STX18: variants seen among roughly 807,000 people sequenced by gnomAD.
The protein encoded by STX18 is syntaxin 18.
In STX18, 40 loss-of-function variants were observed where a neutral mutation model predicts 50.1. The ratio of observed to expected loss-of-function variants is 0.80; its 90% CI spans 0.62 to 1.04. The LOEUF (loss-of-function observed/expected upper bound fraction) is 1.04. Among genes scored for constraint, STX18 ranks in the 50% least tolerant of loss-of-function variants. STX18 has a pLI of 0.00. For synonymous variants in STX18, 158 were observed against 151.8 expected (o/e 1.04, Z -0.30); for missense variants, 410 against 415.8 (o/e 0.99, Z 0.12).
chr4:4,500,144 G>C (rs1168922160), intron 1 of STX18, among the ~76,000 whole-genome samples: 1 of 152,082 alleles, frequency 6.6e-6, no homozygotes, highest in Non-Finnish European at 1.5e-5. Flanking sequence ...TCTGCTTATA[G>C]TGGAGAGTTT....
intron 5 of STX18, among the ~76,000 whole-genome samples, chr4:4,444,972 A>G (rs897955334): frequency 1.4e-4 from 22 of 152,238 alleles, no homozygotes; most frequent in African/African-American, 4.8e-4. Context: ...TCTATTCAAC[A>G]TGGTACCAGA....
At position 4,420,679 on chromosome 4, in the gene STX18, TGGAGGTGGGCGACA is replaced by T. The variant is rs1724893897; in HGVS notation, c.912+171_912+184del. 1 of 595,536 alleles carries T rather than the reference TGGAGGTGGGCGACA, an allele frequency of 1.7e-6. No individual in the cohort carries two copies. The highest frequency in any genetic ancestry group is 3.1e-5 in the Admixed American group (1 of 32,442). 36.9% of individuals were successfully genotyped at this position (595,536 alleles called of 1,614,324 possible). On this transcript the variant is annotated intron_variant, in intron 10 of 10. Coordinates refer to ENST00000306200, the MANE Select transcript of STX18 (RefSeq NM_016930.4). The surrounding 1 kb of genome is among the most constrained non-coding windows in gnomAD (Gnocchi z 4.3). ...TGAGCCACTGCCTCTCGAAAGCAGC[TGGAGGTGGGCGACA>T]GGTGGTGGGTCTCATGAACACACGC...
rs1448131135 is a variant in STX18 at position 4,420,908 on chromosome 4, C to T, written c.868G>A (p.Gly290Arg). 1 of 1,614,122 alleles carries T rather than the reference C, an allele frequency of 6.2e-7. No individual in the cohort carries two copies. Among genetic ancestry groups the T allele is most frequent in the East Asian group, 2.2e-5 (1 of 44,886 alleles). ...CCTTCCTTGATATTTTCAGTTGCCC[C>T]CACAACTAACTGGTGAATGCTGTCA... The part of the protein sequence containing the change: ...EIDSIHQLVV[G>R]ATENIKEGNE... The change falls in exon 10 of 11, where the codon GGG (glycine) becomes AGG (arginine). Residue 290 changes from glycine to arginine, a missense_variant. Transcript: ENST00000306200. The surrounding 1 kb of genome is among the most constrained non-coding windows in gnomAD (Gnocchi z 4.3).
intron 2 of STX18, among the ~76,000 whole-genome samples, chr4:4,462,544 C>T (rs1447341959): frequency 2.6e-5 from 4 of 152,036 alleles, no homozygotes; most frequent in Non-Finnish European, 2.9e-5. Context: ...CAACTGGCCT[C>T]GGGAAAATGA....
At chr4:4,453,635 A>G in intron 5 of STX18, 1 of 975,922 alleles carries the variant, frequency 1.0e-6, no homozygotes, top group Non-Finnish European at 1.2e-6. Flanking sequence ...GATATCTCCG[A>G]GGTACGCCTG....
intron 1 of STX18, chr4:4,507,249 G>A (rs973112437): frequency 4.4e-6 from 3 of 674,664 alleles, no homozygotes; most frequent in African/African-American, 3.6e-5. Context: ...ACTTTACAGT[G>A]TACTATAAAG....
Position 4,539,419 on chromosome 4 carries a change from C to CA in STX18, c.168+2377dup, listed in dbSNP as rs2108935614. Among the ~76,000 whole-genome samples the CA allele has an allele frequency of 2.0e-5, 3 of 152,342 alleles. No homozygotes were observed. In the South Asian group the frequency reaches 6.2e-4, roughly 32 times the overall value. ...TGTAGTAAAAGCACAGGACATCCAT[C>CA]ACTAGCTCTTCTAGTTAAACTTCCC... On this transcript the variant is annotated intron_variant, in intron 1 of 10. Coordinates refer to ENST00000306200, the MANE Select transcript of STX18 (RefSeq NM_016930.4).
chr4:4,541,654 G>A (rs1253440293), intron 1 of STX18, 143 bp downstream of exon 1: 1 of 837,428 alleles, frequency 1.2e-6, no homozygotes, highest in Non-Finnish European at 1.7e-6. Flanking sequence ...AAGCTGTAGG[G>A]TCTCTGAGGC....
At chr4:4,450,501 G>T (rs866484567) in intron 5 of STX18, among the ~76,000 whole-genome samples, 4 of 152,096 alleles carry the variant, frequency 2.6e-5, no homozygotes, top group African/African-American at 9.7e-5. Context: ...ACGGGGTTTT[G>T]CCATATTGCC....
At chr4:4,435,913 G>T (rs1577319645) in intron 6 of STX18, among the ~76,000 whole-genome samples, 1 of 152,344 alleles carries the variant, frequency 6.6e-6, no homozygotes, top group Middle Eastern at 3.4e-3. Context: ...GGTAGGGTTG[G>T]GAGCGGAGGG....
intron 6 of STX18, among the ~76,000 whole-genome samples, chr4:4,435,329 C>T (rs888676042): frequency 6.6e-6 from 1 of 152,068 alleles, no homozygotes; most frequent in Non-Finnish European, 1.5e-5. Flanking sequence ...GTTCTCCAAT[C>T]CTATTCCTCT....
intron 1 of STX18, among the ~76,000 whole-genome samples, chr4:4,514,830 TGA>T (rs968819848): frequency 2.0e-4 from 31 of 152,004 alleles, no homozygotes; most frequent in African/African-American, 7.5e-4. Flanking sequence ...AGGGGGTATA[TGA>T]GAGAGGATCC....
intron 1 of STX18, among the ~76,000 whole-genome samples, chr4:4,475,869 C>G (rs572766399): frequency 1.4e-3 from 215 of 152,328 alleles, no homozygotes; most frequent in African/African-American, 3.1e-3. Flanking sequence ...GATCCTCCCC[C>G]CTTGGCCTCC....
rs772024245 is a variant in STX18, at chr4:4,434,804, C to A, written c.668G>T (p.Gly223Val). 9 of 1,607,154 alleles carry A rather than the reference C, an allele frequency of 5.6e-6. No individual in the cohort carries two copies. Among genetic ancestry groups the A allele is most frequent in the Middle Eastern group, 1.7e-4 (1 of 5,960 alleles). The change falls in exon 7 of 11, where the codon GGC (glycine) becomes GTC (valine). Residue 223 changes from glycine to valine, a missense_variant. Physicochemically the swap from Gly to Val is moderately radical, Grantham distance 109. Coordinates refer to ENST00000306200, the MANE Select transcript of STX18 (RefSeq NM_016930.4). ...PELGTWGDGK[G>V]EDELSPEEIQ... ...TTCTTCTGGGGATAACTCATCTTCGCCTTTGCCATCTCCCCACGTTCCCAA... is the reference window on the plus strand; with the variant it reads ...TTCTTCTGGGGATAACTCATCTTCGACTTTGCCATCTCCCCACGTTCCCAA...
chr4:4,442,254 T>C (rs1393421521), intron 5 of STX18, among the ~76,000 whole-genome samples: 1 of 152,114 alleles, frequency 6.6e-6, no homozygotes, highest in African/African-American at 2.4e-5. Context: ...TCCCTCTCCC[T>C]ACACTGTACA....
chr4:4,495,755 C>A (rs1454943519), intron 1 of STX18, among the ~76,000 whole-genome samples: 2 of 151,976 alleles, frequency 1.3e-5, no homozygotes, highest in Admixed American at 6.5e-5. Context: ...AATTTTTAAA[C>A]AGGAAAATGA....
At chr4:4,451,460 T>C (rs1199220540) in intron 5 of STX18, among the ~76,000 whole-genome samples, 1 of 152,254 alleles carries the variant, frequency 6.6e-6, no homozygotes, top group Non-Finnish European at 1.5e-5. Flanking sequence ...GATATTGCAT[T>C]TTTTGTTTGT....
chr4:4,436,831 T>C (rs1406847089), intron 6 of STX18, among the ~76,000 whole-genome samples: 8 of 152,230 alleles, frequency 5.3e-5, no homozygotes, highest in African/African-American at 1.9e-4. Flanking sequence ...CGGGTCTTCT[T>C]TACTGACTAT....
chr4:4,463,408 A>G (rs903674536), intron 2 of STX18, among the ~76,000 whole-genome samples: 1 of 152,258 alleles, frequency 6.6e-6, no homozygotes, highest in African/African-American at 2.4e-5. Flanking sequence ...ATTTAAAAGT[A>G]TATTTAAAAT....
Sources: gnomAD v4.1 joint callset for allele counts (sites outside exome capture counted in the v4.1 genomes callset) on GRCh38, gnomAD v4.1.1 for gene constraint, Gnocchi (gnomAD v3.1) non-coding constraint, MANE v1.5 for transcripts, NCBI Gene and HGNC (gene_info 2026-07-23, HGNC 2026-07-21) for gene names.